The following TIE1 variants were observed in gnomAD, a reference collection of about 807,000 sequenced individuals.
TIE1 encodes tyrosine-protein kinase receptor Tie-1.
A neutral mutation model predicts 130.5 loss-of-function variants in TIE1; 89 were observed. That is an observed-to-expected ratio of 0.68 (90% CI 0.57 to 0.81). TIE1 has a LOEUF of 0.81. TIE1 is among the 40% of genes least tolerant of loss of function. The pLI is 0.00. For synonymous variants in TIE1, 568 were observed against 629.4 expected (o/e 0.90, Z 1.46); for missense variants, 1,392 against 1,559.8 (o/e 0.89, Z 1.81).
intron 1 of TIE1, 139 bp from the exon 2 acceptor site, chr1:43,304,712 G>A (rs1461621461): frequency 2.2e-6 from 2 of 892,126 alleles, no homozygotes; most frequent in African/African-American, 1.8e-5. Flanking sequence ...AACCGGGCAG[G>A]GGAAGGAAGA....
In TIE1 at chr1:43,307,758, G is replaced by A. The variant is rs372737980; in HGVS notation, c.914-38G>A. ...CTCATCTGTGCCCTCATTGCCCCCT[G>A]TCCCATGCCCCTCTAATCATACCTC... On this transcript the variant is annotated intron_variant, in intron 6 of 22. Coordinates refer to ENST00000372476, the MANE Select transcript of TIE1 (RefSeq NM_005424.5). The surrounding 1 kb of genome is among the most constrained non-coding windows in gnomAD (Gnocchi z 5.4). The A allele has an allele frequency of 8.7e-6, 14 of 1,612,598 alleles. No individual in the cohort carries two copies. Among genetic ancestry groups the A allele is most frequent in the Non-Finnish European group, 1.2e-5 (14 of 1,179,024 alleles).
In TIE1 at chr1:43,322,840, T is replaced by A; in HGVS notation, c.*118T>A. On this transcript the variant is annotated 3_prime_UTR_variant, in exon 23 of 23. Transcript: ENST00000372476. This position sits in a 1 kb window ranked among gnomAD's most constrained non-coding sequence, Gnocchi z 4.0. ...GCTGCCTCAAGGAATTTTTTTAACT[T>A]AAGGGAGAAAAAAAGGGATCTGGGG... 5.3e-6 allele frequency: 5 copies of A among 945,656 alleles called. No individual in the cohort carries two copies. The highest frequency in any genetic ancestry group is 6.4e-6 in the Non-Finnish European group (4 of 628,324). The allele number at this position is 945,656 out of a possible 1,614,324, so 58.6% of individuals were successfully genotyped here.
rs1330486231 is a variant in TIE1, at chr1:43,305,016, G to C, written c.224G>C (p.Gly75Ala). 2 of 1,561,482 alleles carry C rather than the reference G, an allele frequency of 1.3e-6. No homozygotes were observed. The highest frequency in any genetic ancestry group is 8.7e-7 in the Non-Finnish European group (1 of 1,151,814). The change falls in exon 2 of 23, where the codon GGG (glycine) becomes GCG (alanine). Residue 75 changes from glycine to alanine, a missense_variant. Transcript: ENST00000372476. ...KDDRIVRTPP[G>A]PPLRLARNGS... Reference sequence around the variant, plus strand: ...GACCGTATCGTGCGCACCCCGCCCGGGCCACCCCTGCGCCTGGCGCGCAAC... The same window carrying C: ...GACCGTATCGTGCGCACCCCGCCCGCGCCACCCCTGCGCCTGGCGCGCAAC...
intron 22 of TIE1, 27 bp downstream of exon 22, chr1:43,321,742 G>C: frequency 1.9e-6 from 3 of 1,549,350 alleles, no homozygotes; most frequent in Non-Finnish European, 2.6e-6. Context: ...TGAGGTGGCG[G>C]GCTGGGCTCA....
Position 43,311,825 on chromosome 1 carries a change from T to C in TIE1, c.1488T>C (p.Ile496=). The C allele has an allele frequency of 6.2e-7, 1 of 1,612,734 alleles. No homozygotes were observed. The highest frequency in any genetic ancestry group is 1.3e-5 in the African/African-American group (1 of 74,956). Residue 496 remains isoleucine, a synonymous_variant, in exon 10 of 23, where the codon ATT becomes ATC. Transcript: ENST00000372476. The stretch of plus-strand genomic sequence containing the variant: ...ACAGTACCATGGACTGGTCGACCAT[T>C]GTGGGTGAGTAGGGAGAGAGCTGGG... ...PQDSTMDWST[I]VVDPSENVTL...
intron 19 of TIE1, among the ~76,000 whole-genome samples, chr1:43,321,046 A>AC (rs1646913145): frequency 6.7e-6 from 1 of 150,000 alleles, no homozygotes; most frequent in Non-Finnish European, 1.5e-5. Flanking sequence ...AAAAAAAAAA[A>AC]AAAAAAAACA....
intron 19 of TIE1, chr1:43,320,655 A>G (rs1203915677): frequency 3.3e-5 from 5 of 152,300 alleles, no homozygotes; most frequent in Admixed American, 1.3e-4. Flanking sequence ...GATCGAGACC[A>G]TCCTGGCTGA....
In TIE1 at chr1:43,317,799, C is replaced by A; in HGVS notation, c.2732-83C>A. 1 of 1,526,802 alleles carries A rather than the reference C, an allele frequency of 6.5e-7. No individual in the cohort carries two copies. 94.6% of individuals were successfully genotyped at this position (1,526,802 alleles called of 1,614,324 possible). A position where few individuals can be genotyped will look rare whatever the true frequency, so the allele number is the denominator to read the frequency against. On this transcript the variant is annotated intron_variant, in intron 16 of 22. Transcript: ENST00000372476. This position sits in a 1 kb window ranked among gnomAD's most constrained non-coding sequence, Gnocchi z 5.1. ...TGCACCACCCTTGATCCTCCTTCAT[C>A]CCTGTCTGTTACCATCGGGTGCCTG... is the stretch of plus-strand genomic sequence containing the variant.
chr1:43,314,937 C>A (rs1256275371), intron 14 of TIE1, among the ~76,000 whole-genome samples: 1 of 152,206 alleles, frequency 6.6e-6, no homozygotes, highest in Non-Finnish European at 1.5e-5. Context: ...ACAACCCCTT[C>A]CCACTTAGAC....
chr1:43,321,048 AAAAAAAC>A (rs1646913293), intron 19 of TIE1, among the ~76,000 whole-genome samples: 4 of 150,190 alleles, frequency 2.7e-5, no homozygotes, highest in Non-Finnish European at 4.4e-5. Flanking sequence ...AAAAAAAAAA[AAAAAAAC>A]AAAACAAAAG....
Position 43,317,340 on chromosome 1 carries a change from G to A in TIE1, c.2551G>A (p.Gly851Ser), listed in dbSNP as rs931782166. The change falls in exon 15 of 23, where the codon GGC (glycine) becomes AGC (serine). Residue 851 changes from glycine (G) to serine (S), a missense_variant. Physicochemically the swap from Gly to Ser is moderately conservative, Grantham distance 56. Around this residue, in one of 6 missense-constraint regions of TIE1, gnomAD observed 286 missense variants for 354.4 expected, o/e 0.81. Coordinates refer to ENST00000372476, the MANE Select transcript of TIE1 (RefSeq NM_005424.5). This position sits in a 1 kb window ranked among gnomAD's most constrained non-coding sequence, Gnocchi z 5.1. The stretch of plus-strand genomic sequence containing the variant: ...GGACCTCATCGGGGAGGGGAACTTC[G>A]GCCAGGTCATCCGGGCCATGATCAA... ...FEDLIGEGNF[G>S]QVIRAMIKKD... 1 of 1,614,042 alleles carries A rather than the reference G, an allele frequency of 6.2e-7. No individual in the cohort carries two copies. Among genetic ancestry groups the A allele is most frequent in the Non-Finnish European group, 8.5e-7 (1 of 1,180,006 alleles).
Position 43,313,529 on chromosome 1 carries a change from C to A in TIE1, c.2218+104C>A. 7.1e-7 allele frequency: 1 copy of A among 1,400,148 alleles called. No homozygotes were observed. The highest frequency in any genetic ancestry group is 9.7e-7 in the Non-Finnish European group (1 of 1,026,496). 86.7% of individuals were successfully genotyped at this position (1,400,148 alleles called of 1,614,324 possible). On this transcript the variant is annotated intron_variant, in intron 13 of 22. Transcript: ENST00000372476. The surrounding 1 kb of genome is among the most constrained non-coding windows in gnomAD (Gnocchi z 6.2). Reference sequence around the variant, plus strand: ...TACTGTGGAGCTAGGGCATCCCAGGCCCCTCCTGACAAAGAGTCAGCCCCA... The same window carrying A: ...TACTGTGGAGCTAGGGCATCCCAGGACCCTCCTGACAAAGAGTCAGCCCCA...
At chr1:43,303,795 T>G (rs1449355125) in intron 1 of TIE1, among the ~76,000 whole-genome samples, 1 of 152,058 alleles carries the variant, frequency 6.6e-6, no homozygotes, top group Non-Finnish European at 1.5e-5. Context: ...GCCCCTGATT[T>G]CTCTCCCTCC....
chr1:43,307,067 CCCT>C lies in TIE1; in HGVS notation c.640+73_641-72del. ...GCCCTATGGGTACTTCCTGTGGGTCCCCTGGAGCCCCTGGATCTCCAGTCCTCA... is the reference window on the plus strand; with the variant it reads ...GCCCTATGGGTACTTCCTGTGGGTCCGGAGCCCCTGGATCTCCAGTCCTCA... On this transcript the variant is annotated intron_variant, in intron 4 of 22. Transcript: ENST00000372476. This position sits in a 1 kb window ranked among gnomAD's most constrained non-coding sequence, Gnocchi z 5.4. The C allele has an allele frequency of 1.4e-5, 23 of 1,612,574 alleles. No individual in the cohort carries two copies. The highest frequency in any genetic ancestry group is 2.0e-5 in the Non-Finnish European group (23 of 1,179,298).
chr1:43,308,887 A>T, intron 7 of TIE1, 99 bp from the exon 8 acceptor site: 1 of 1,517,890 alleles, frequency 6.6e-7, no homozygotes, highest in South Asian at 1.1e-5. Flanking sequence ...GGGACTGGGT[A>T]GATACCTCCA....
Position 43,317,566 on chromosome 1 carries a change from T to TA in TIE1, c.2624dup (p.Tyr875Ter), listed in dbSNP as rs1557452814. The TA allele has an allele frequency of 6.2e-7, 1 of 1,609,060 alleles. No homozygotes were observed. Among genetic ancestry groups the TA allele is most frequent in the South Asian group, 1.1e-5 (1 of 90,636 alleles). The change falls in exon 16 of 23, where the codon TAT becomes TAAT. Residue 875 changes from tyrosine (Y) to a stop codon, truncating the protein, a stop_gained and frameshift_variant. Coordinates refer to ENST00000372476, the MANE Select transcript of TIE1 (RefSeq NM_005424.5). LOFTEE classifies it high-confidence loss of function. The surrounding 1 kb of genome is among the most constrained non-coding windows in gnomAD (Gnocchi z 5.1). ...MNAAIKMLKE[Y>*]ASENDHRDFA... ...ATAATATTGGATTCTTTACACAGAGTATGCCTCTGAAAATGACCATCGTGA... is the reference window on the plus strand; with the variant it reads ...ATAATATTGGATTCTTTACACAGAGTAATGCCTCTGAAAATGACCATCGTGA...
At chr1:43,308,612 A>G (rs1365713323) in intron 7 of TIE1, among the ~76,000 whole-genome samples, 1 of 151,074 alleles carries the variant, frequency 6.6e-6, no homozygotes, top group Non-Finnish European at 1.5e-5. Flanking sequence ...GGAACAAGGT[A>G]GTCAGATCCG....
rs1364693290 is a variant in TIE1, at chr1:43,318,657, C to A, written c.2923-578C>A. 6.6e-6 allele frequency among the ~76,000 whole-genome samples: 1 copy of A among 152,088 alleles called. No homozygotes were observed. The highest frequency in any genetic ancestry group is 1.5e-5 in the Non-Finnish European group (1 of 68,012). On this transcript the variant is annotated intron_variant, in intron 17 of 22. Transcript: ENST00000372476. This position sits in a 1 kb window ranked among gnomAD's most constrained non-coding sequence, Gnocchi z 4.4. ...TAGCTGGGATTACAGGCATGTACCA[C>A]CACACCCAGCTAATTTTTGTATTTT...
At chr1:43,308,112 G>A (rs556103917) in intron 7 of TIE1, among the ~76,000 whole-genome samples, 188 bp downstream of exon 7, 121 of 152,340 alleles carry the variant, frequency 7.9e-4, no homozygotes, top group South Asian at 4.4e-3. Context: ...AGTCCAGCAG[G>A]GAGCCAGTCC....
Sources: gnomAD v4.1 joint callset for allele counts (sites outside exome capture counted in the v4.1 genomes callset) on GRCh38, gnomAD v4.1.1 for gene constraint, gnomAD v4.1.1 regional missense constraint, Gnocchi (gnomAD v3.1) non-coding constraint, MANE v1.5 for transcripts, NCBI Gene and HGNC (gene_info 2026-07-23, HGNC 2026-07-21) for gene names.